The following CTDSPL variants were observed in gnomAD, a reference collection of about 807,000 sequenced individuals.
CTDSPL encodes the protein CTD small phosphatase-like protein.
In CTDSPL, 8 loss-of-function variants were observed where a neutral mutation model predicts 30.5. That is an observed-to-expected ratio of 0.26 (90% CI 0.15 to 0.47). The LOEUF is 0.47. CTDSPL is among the 20% of genes least tolerant of loss of function. CTDSPL has a pLI of 0.99. For missense variants in CTDSPL, 248 were observed against 366.1 expected, an observed-to-expected ratio of 0.68 and a Z score of 2.63; for synonymous variants, 110 against 137.9, an observed-to-expected ratio of 0.80 and a Z score of 1.42.
At chr3:37,944,760 C>T (rs1699016141) in intron 1 of CTDSPL, 1 of 150,284 alleles carries the variant, frequency 6.7e-6, no homozygotes, top group Non-Finnish European at 1.5e-5. Context: ...GAAAATGAAA[C>T]CACTTTGGCT....
chr3:37,956,760 C>G (rs1333027525), intron 2 of CTDSPL, among the ~76,000 whole-genome samples: 1 of 152,156 alleles, frequency 6.6e-6, no homozygotes, highest in African/African-American at 2.4e-5. Flanking sequence ...AAAGAAAAAA[C>G]AAACAGTTTT....
chr3:37,950,927 A>T (rs1442900509), intron 2 of CTDSPL, among the ~76,000 whole-genome samples: 5 of 152,244 alleles, frequency 3.3e-5, no homozygotes, highest in Non-Finnish European at 7.3e-5. Context: ...CTGAGAGAAA[A>T]AAATGGAAAG....
chr3:37,898,308 T>A (rs1226324935), intron 1 of CTDSPL, among the ~76,000 whole-genome samples: 1 of 152,192 alleles, frequency 6.6e-6, no homozygotes, highest in Non-Finnish European at 1.5e-5. Flanking sequence ...TGAAGAGTGC[T>A]GCATCAGAGA....
intron 2 of CTDSPL, among the ~76,000 whole-genome samples, chr3:37,953,326 A>T (rs887654741): frequency 6.6e-6 from 1 of 152,222 alleles, no homozygotes; most frequent in African/African-American, 2.4e-5. Context: ...AACAAAGGAA[A>T]TGTGATAAAT....
At position 37,862,164 on chromosome 3, in the gene CTDSPL, G is replaced by A. The variant is rs1356458027; in HGVS notation, c.-36G>A. On this transcript the variant is annotated 5_prime_UTR_variant, in exon 1 of 8. Transcript: ENST00000273179. The surrounding 1 kb of genome is among the most constrained non-coding windows in gnomAD (Gnocchi z 4.3). ...GCCCCCGCGCGCTTGGCTTGCGGGG[G>A]GCCGGGCCTGCGGGCGGCCGCCGCG... is the stretch of plus-strand genomic sequence containing the variant. 1.6e-5 allele frequency: 17 copies of A among 1,045,956 alleles called. No homozygotes were observed. The East Asian group carries it at 5.8e-4, about 36-fold the overall frequency. The allele number at this position is 1,045,956 out of a possible 1,614,324, so 64.8% of individuals were successfully genotyped here.
intron 1 of CTDSPL, among the ~76,000 whole-genome samples, chr3:37,872,609 C>T (rs1698088181): frequency 9.1e-6 from 1 of 109,448 alleles, no homozygotes; most frequent in Non-Finnish European, 1.7e-5. Context: ...CTGAGTCACT[C>T]TGTTGCCCAG....
chr3:37,867,045 G>T (rs1318610778), intron 1 of CTDSPL, among the ~76,000 whole-genome samples: 1 of 152,112 alleles, frequency 6.6e-6, no homozygotes, highest in Non-Finnish European at 1.5e-5. Flanking sequence ...TATAGTCAAG[G>T]TATAGAAAAA....
chr3:37,978,314 G>A (rs1699452170), intron 7 of CTDSPL, among the ~76,000 whole-genome samples: 1 of 152,118 alleles, frequency 6.6e-6, no homozygotes, highest in Admixed American at 6.5e-5. Context: ...ACAAGTCTTT[G>A]ATATAGGTTG....
chr3:37,929,334 T>G (rs1010489914), intron 1 of CTDSPL, among the ~76,000 whole-genome samples: 1 of 152,164 alleles, frequency 6.6e-6, no homozygotes, highest in African/African-American at 2.4e-5. Flanking sequence ...GCCGTTTGGA[T>G]TTTGATAGGG....
At chr3:37,909,464 G>A (rs1698555621) in intron 1 of CTDSPL, among the ~76,000 whole-genome samples, 1 of 152,202 alleles carries the variant, frequency 6.6e-6, no homozygotes, top group Non-Finnish European at 1.5e-5. Context: ...ACTGCCTGTG[G>A]CCTGCCCCGC....
chr3:37,884,981 C>T (rs1177246357), intron 1 of CTDSPL, among the ~76,000 whole-genome samples: 1 of 151,964 alleles, frequency 6.6e-6, no homozygotes, highest in African/African-American at 2.4e-5. Context: ...TGATCAGAGG[C>T]CTTACTGGAA....
At chr3:37,952,126 T>C (rs1053220454) in intron 2 of CTDSPL, among the ~76,000 whole-genome samples, 1 of 150,806 alleles carries the variant, frequency 6.6e-6, no homozygotes, top group Non-Finnish European at 1.5e-5. Context: ...GCAGTGAGCC[T>C]TAATCACTCC....
chr3:37,917,295 G>A (rs189842859), intron 1 of CTDSPL, among the ~76,000 whole-genome samples: 54 of 152,266 alleles, frequency 3.5e-4, no homozygotes, highest in African/African-American at 1.2e-3. Flanking sequence ...ATGTTCACAC[G>A]TACATGTTTA....
chr3:37,968,293 G>A (rs940465717), intron 5 of CTDSPL: 6 of 455,410 alleles, frequency 1.3e-5, no homozygotes, highest in Non-Finnish European at 2.6e-5. Flanking sequence ...AATGCCAGCT[G>A]CTCCAGACTG....
intron 3 of CTDSPL, among the ~76,000 whole-genome samples, chr3:37,960,505 A>AATATATATAT (rs1379736177): frequency 2.6e-5 from 1 of 38,524 alleles, no homozygotes; most frequent in East Asian, 8.5e-4. Context: ...AAAAAAAAAA[A>AATATATATAT]ATATATATAT....
intron 1 of CTDSPL, among the ~76,000 whole-genome samples, chr3:37,945,144 T>C (rs1699021014): frequency 6.7e-6 from 1 of 150,240 alleles, no homozygotes; most frequent in Non-Finnish European, 1.5e-5. Flanking sequence ...AGATTTTTTT[T>C]TCCCCCTGAC....
At chr3:37,893,061 A>C (rs1698346220) in intron 1 of CTDSPL, among the ~76,000 whole-genome samples, 1 of 152,230 alleles carries the variant, frequency 6.6e-6, no homozygotes, top group Admixed American at 6.5e-5. Context: ...GGACAAACAT[A>C]GACTGTTCCA....
At chr3:37,972,820 G>A (rs527448035) in intron 6 of CTDSPL, among the ~76,000 whole-genome samples, 3 of 152,352 alleles carry the variant, frequency 2.0e-5, no homozygotes, top group African/African-American at 7.2e-5. Flanking sequence ...CACCACAGTT[G>A]TCTCCATGGG....
chr3:37,939,042 T>A (rs1268871159), intron 1 of CTDSPL, among the ~76,000 whole-genome samples: 1 of 150,228 alleles, frequency 6.7e-6, no homozygotes, highest in Non-Finnish European at 1.5e-5. Flanking sequence ...TACTTAATGT[T>A]CTAAGTTTAG....
Sources: gnomAD v4.1 joint callset for allele counts (sites outside exome capture counted in the v4.1 genomes callset) on GRCh38, gnomAD v4.1.1 for gene constraint, Gnocchi (gnomAD v3.1) non-coding constraint, MANE v1.5 for transcripts, NCBI Gene and HGNC (gene_info 2026-07-23, HGNC 2026-07-21) for gene names.